The following SGCD variants were observed in gnomAD, a reference collection of about 807,000 sequenced individuals.
The protein encoded by SGCD is delta-sarcoglycan.
SGCD carries 18 observed loss-of-function variants against 36.6 expected under a neutral mutation model. The observed-to-expected ratio is 0.49, with a 90% CI of 0.34 to 0.73. The LOEUF is 0.73. Among genes scored for constraint, SGCD ranks in the 30% least tolerant of loss-of-function variants. SGCD has a pLI of 0.01. For synonymous variants in SGCD, 133 were observed against 130.6 expected, an observed-to-expected ratio of 1.02 and a Z score of -0.12; for missense variants, 387 against 346.7, an observed-to-expected ratio of 1.12 and a Z score of -0.92.
chr5:156,622,093 TGTACAA>T (rs1017594940), intron 6 of SGCD, among the ~76,000 whole-genome samples: 58 of 152,196 alleles, frequency 3.8e-4, no homozygotes, highest in African/African-American at 1.3e-3. Context: ...CCAGGTAGAA[TGTACAA>T]GTACATTTTT....
chr5:156,512,712 G>T (rs1756997761), intron 4 of SGCD, among the ~76,000 whole-genome samples: 1 of 152,126 alleles, frequency 6.6e-6, no homozygotes, highest in South Asian at 2.1e-4. Flanking sequence ...TCGAGATAAC[G>T]AATGTATCCG....
At chr5:156,258,547 A>G (rs1366089780) in intron 3 of SGCD, among the ~76,000 whole-genome samples, 1 of 152,208 alleles carries the variant, frequency 6.6e-6, no homozygotes, top group Non-Finnish European at 1.5e-5. Context: ...TTGTCTAAAA[A>G]ATGGCTATTA....
In SGCD at chr5:156,758,719, G is replaced by A. The variant is rs139271512; in HGVS notation, c.700-498G>A. ...CTTCCACAACTGCTTATTTTTATAG[G>A]CATATTTTTATAGGCATGTTTTTCT... On this transcript the variant is annotated intron_variant, in intron 8 of 8. Coordinates refer to ENST00000337851, the MANE Select transcript of SGCD (RefSeq NM_000337.6). Among the ~76,000 whole-genome samples, 187 of 151,658 alleles carry A rather than the reference G, an allele frequency of 1.2e-3. 1 individual carries two copies. The highest frequency in any genetic ancestry group is 3.2e-3 in the African/African-American group (132 of 41,356).
chr5:156,625,338 C>G (rs1377859750), intron 6 of SGCD, among the ~76,000 whole-genome samples: 2 of 152,022 alleles, frequency 1.3e-5, no homozygotes, highest in Admixed American at 1.3e-4. Context: ...TAATTAGATA[C>G]AGTTGCCAAC....
chr5:156,595,273 A>G (rs1203002736), intron 6 of SGCD, among the ~76,000 whole-genome samples: 1 of 152,076 alleles, frequency 6.6e-6, no homozygotes, highest in Non-Finnish European at 1.5e-5. Flanking sequence ...GGATGAGAAG[A>G]CCAGAGATCC....
chr5:156,195,564 C>G (rs377036841), intron 3 of SGCD, among the ~76,000 whole-genome samples: 9 of 152,272 alleles, frequency 5.9e-5, no homozygotes, highest in African/African-American at 2.2e-4. Flanking sequence ...CCCTCACTAT[C>G]CAGTAATATC....
intron 7 of SGCD, among the ~76,000 whole-genome samples, chr5:156,719,097 T>C (rs1442805423): frequency 6.6e-6 from 1 of 151,776 alleles, no homozygotes; most frequent in Non-Finnish European, 1.5e-5. Flanking sequence ...AAGTGGAAGG[T>C]GGGGAAAATA....
intron 6 of SGCD, among the ~76,000 whole-genome samples, chr5:156,606,561 A>G (rs1178879604): frequency 1.3e-5 from 2 of 152,140 alleles, no homozygotes; most frequent in Non-Finnish European, 2.9e-5. Flanking sequence ...ACTTTAAAGT[A>G]GTTTTTTTCC....
At chr5:156,392,401 TGG>T (rs1771623013) in intron 3 of SGCD, among the ~76,000 whole-genome samples, 1 of 152,150 alleles carries the variant, frequency 6.6e-6, no homozygotes, top group Non-Finnish European at 1.5e-5. Context: ...CATGAGGGTG[TGG>T]CTTGCTTCTT....
intron 7 of SGCD, among the ~76,000 whole-genome samples, chr5:156,714,815 A>G (rs977196194): frequency 6.6e-6 from 1 of 152,248 alleles, no homozygotes; most frequent in Admixed American, 6.5e-5. Context: ...CAAGCCATTC[A>G]GAACACAAAT....
chr5:156,315,055 TTGTG>T (rs1247868645), intron 3 of SGCD, among the ~76,000 whole-genome samples: 2 of 152,034 alleles, frequency 1.3e-5, no homozygotes, highest in African/African-American at 4.8e-5. Context: ...TTTTTTCTGT[TTGTG>T]TGGTGGGTAC....
At position 155,975,383 on chromosome 5, in the gene SGCD, G is replaced by A. The variant is rs114024110; in HGVS notation, c.-282+104959G>A. Among the ~76,000 whole-genome samples, 250 of 152,010 alleles carry A rather than the reference G, an allele frequency of 1.6e-3. 1 individual carries two copies. Among genetic ancestry groups the A allele is most frequent in the Non-Finnish European group, 2.8e-3 (192 of 67,968 alleles). On this transcript the variant is annotated intron_variant, in intron 1 of 9. Coordinates refer to the SGCD transcript ENST00000517913. ...TTTTTGATTTTCATGAACAGGAGGG[G>A]GCTACTGGGTTAAACATCCAACAAT...
chr5:156,047,789 A>C (rs184524988), intron 1 of SGCD, among the ~76,000 whole-genome samples: 1 of 152,140 alleles, frequency 6.6e-6, no homozygotes, highest in African/African-American at 2.4e-5. Context: ...CATGGATCAA[A>C]GATTTATTTT....
At chr5:155,940,871 ACAAC>A (rs372405922) in intron 1 of SGCD, among the ~76,000 whole-genome samples, 103 of 147,910 alleles carry the variant, frequency 7.0e-4, no homozygotes, top group African/African-American at 2.1e-3. Flanking sequence ...AACAACAACA[ACAAC>A]AAAAAAAACA....
At chr5:156,391,578 C>T (rs1373354445) in intron 3 of SGCD, among the ~76,000 whole-genome samples, 1 of 152,156 alleles carries the variant, frequency 6.6e-6, no homozygotes, top group Non-Finnish European at 1.5e-5. Context: ...GTTTACAAAG[C>T]ATTTGCATTG....
At chr5:156,022,316 A>C (rs1759123233) in intron 1 of SGCD, among the ~76,000 whole-genome samples, 1 of 152,192 alleles carries the variant, frequency 6.6e-6, no homozygotes, top group South Asian at 2.1e-4. Context: ...CACAGACTTT[A>C]AGTACTGAAA....
At chr5:155,911,597 C>T (rs1046867493) in intron 1 of SGCD, among the ~76,000 whole-genome samples, 7 of 151,966 alleles carry the variant, frequency 4.6e-5, no homozygotes, top group African/African-American at 1.7e-4. Context: ...CATGTGATGG[C>T]CACCATATTC....
chr5:155,925,683 AC>A (rs1756982088), intron 1 of SGCD, among the ~76,000 whole-genome samples: 1 of 152,082 alleles, frequency 6.6e-6, no homozygotes, highest in African/African-American at 2.4e-5. Context: ...TGGTATAATC[AC>A]AGCTTACTGC....
intron 3 of SGCD, among the ~76,000 whole-genome samples, chr5:156,131,272 C>T (rs1762315688): frequency 6.6e-6 from 1 of 152,196 alleles, no homozygotes. Context: ...GTGAGACTGC[C>T]TTGGCTCAAG....
Sources: allele counts gnomAD v4.1 joint callset (sites outside exome capture counted in the v4.1 genomes callset), GRCh38; gene constraint gnomAD v4.1.1; transcripts MANE v1.5; gene names NCBI Gene and HGNC (gene_info 2026-07-23, HGNC 2026-07-21).